Variants in HYCC2 observed in about 807,000 individuals in gnomAD.
HYCC2 encodes hyccin 2.
the HYCC2 span, among the ~76,000 whole-genome samples, chr2:201,027,178 A>G: frequency 6.6e-6 from 1 of 152,238 alleles, no homozygotes; most frequent in Non-Finnish European, 1.5e-5. Flanking sequence ...AGAGAATACT[A>G]TAAACAATTC....
At chr2:201,015,750 T>C in the HYCC2 span, among the ~76,000 whole-genome samples, 3 of 152,338 alleles carry the variant, frequency 2.0e-5, no homozygotes, top group Non-Finnish European at 4.4e-5. Context: ...CTTGCATATA[T>C]ACTCTGTGCT....
At chr2:200,987,269 C>T in the HYCC2 span, 1 of 1,107,966 alleles carries the variant, frequency 9.0e-7, no homozygotes, top group Non-Finnish European at 1.2e-6. Context: ...TAGAAACACA[C>T]ATTAGAATGG....
chr2:201,035,619 G>A, the HYCC2 span, among the ~76,000 whole-genome samples: 8 of 152,102 alleles, frequency 5.3e-5, no homozygotes, highest in South Asian at 2.1e-4. Context: ...GTCATTCTCC[G>A]TCCAGCTTTG....
the HYCC2 span, among the ~76,000 whole-genome samples, chr2:201,014,169 T>C: frequency 6.6e-6 from 1 of 152,256 alleles, no homozygotes; most frequent in South Asian, 2.1e-4. Flanking sequence ...GCAAAATGTT[T>C]GTTTCATGTG....
chr2:201,022,972 G>T, the HYCC2 span: 1 of 1,321,722 alleles, frequency 7.6e-7, no homozygotes, highest in South Asian at 1.2e-5. Context: ...GTGAACATTT[G>T]AGAAGCAAGG....
At chr2:201,031,165 T>C in the HYCC2 span, among the ~76,000 whole-genome samples, 2 of 152,192 alleles carry the variant, frequency 1.3e-5, no homozygotes, top group East Asian at 3.8e-4. Context: ...ATATGGCTGT[T>C]ACATGTACAG....
chr2:200,983,820 T>C, the HYCC2 span, among the ~76,000 whole-genome samples: 1 of 152,124 alleles, frequency 6.6e-6, no homozygotes, highest in Non-Finnish European at 1.5e-5. Context: ...GAAAGGAGAC[T>C]GAGAGACTTA....
the HYCC2 span, among the ~76,000 whole-genome samples, chr2:201,029,292 G>C: frequency 2.0e-5 from 3 of 151,846 alleles, no homozygotes; most frequent in African/African-American, 7.2e-5. Context: ...GCGACCATCA[G>C]AAAATCAGGA....
At chr2:201,014,962 C>G in the HYCC2 span, among the ~76,000 whole-genome samples, 13 of 152,000 alleles carry the variant, frequency 8.6e-5, no homozygotes, top group Non-Finnish European at 1.5e-4. Flanking sequence ...AATGTACTAT[C>G]AAATATATAA....
chr2:201,029,698 A>T, the HYCC2 span, among the ~76,000 whole-genome samples: 2 of 152,042 alleles, frequency 1.3e-5, no homozygotes, highest in African/African-American at 4.8e-5. Flanking sequence ...CAAACACCAC[A>T]TGTTCTCACT....
chr2:201,022,571 A>G, the HYCC2 span: 5 of 285,444 alleles, frequency 1.8e-5, no homozygotes, highest in Non-Finnish European at 3.3e-5. Flanking sequence ...TTTCAAATAA[A>G]TAATCCACTG....
chr2:201,055,948 G>C, the HYCC2 span, among the ~76,000 whole-genome samples: 3 of 152,134 alleles, frequency 2.0e-5, no homozygotes, highest in Non-Finnish European at 2.9e-5. Flanking sequence ...CAGCACTTTG[G>C]GAGGCCGAGG....
At chr2:200,992,443 T>C in the HYCC2 span, 2 of 1,030,690 alleles carry the variant, frequency 1.9e-6, no homozygotes, top group Non-Finnish European at 3.0e-6. Flanking sequence ...TTGTTCCAAG[T>C]CCTGCTATTT....
At chr2:201,031,861 A>C in the HYCC2 span, among the ~76,000 whole-genome samples, 1 of 152,196 alleles carries the variant, frequency 6.6e-6, no homozygotes, top group Admixed American at 6.5e-5. Flanking sequence ...GAGACTTGAA[A>C]TACTACTAAA....
chr2:200,989,609 T>C, the HYCC2 span, among the ~76,000 whole-genome samples: 1 of 152,122 alleles, frequency 6.6e-6, no homozygotes, highest in Non-Finnish European at 1.5e-5. Context: ...GTCCAGGAAT[T>C]TGAGACCAGA....
chr2:200,985,939 T>C, the HYCC2 span, among the ~76,000 whole-genome samples: 2 of 152,230 alleles, frequency 1.3e-5, no homozygotes, highest in African/African-American at 2.4e-5. Flanking sequence ...TTGATTAACA[T>C]AGTACTATAT....
At chr2:201,050,647 A>G in the HYCC2 span, among the ~76,000 whole-genome samples, 6 of 151,798 alleles carry the variant, frequency 4.0e-5, no homozygotes, top group Non-Finnish European at 8.8e-5. Context: ...AAGAACCATT[A>G]TAATAGCCAG....
At chr2:201,041,633 T>C in the HYCC2 span, among the ~76,000 whole-genome samples, 15 of 152,338 alleles carry the variant, frequency 9.8e-5, no homozygotes, top group South Asian at 3.1e-3. Context: ...TTGTAACTTC[T>C]TTATCAGACC....
the HYCC2 span, among the ~76,000 whole-genome samples, chr2:201,041,131 T>C: frequency 7.2e-5 from 11 of 152,202 alleles, no homozygotes; most frequent in Non-Finnish European, 1.5e-4. Flanking sequence ...ATTACATAAG[T>C]GTTTGCTATA....
Sources: allele counts gnomAD v4.1 joint callset (sites outside exome capture counted in the v4.1 genomes callset), GRCh38; gene constraint gnomAD v4.1.1; transcripts MANE v1.5; gene names NCBI Gene and HGNC (gene_info 2026-07-23, HGNC 2026-07-21).